AOPEP: variants seen among roughly 807,000 people sequenced by gnomAD.
The protein encoded by AOPEP is aminopeptidase O (putative).
A neutral mutation model predicts 98.1 loss-of-function variants in AOPEP; 77 were observed. That is an observed-to-expected ratio of 0.78 (90% CI 0.65 to 0.95). AOPEP has a LOEUF of 0.95. Among genes scored for constraint, AOPEP ranks in the 40% least tolerant of loss-of-function variants. The pLI is 0.00. For synonymous variants in AOPEP, 346 were observed against 365.3 expected, an observed-to-expected ratio of 0.95 and a Z score of 0.60; for missense variants, 1,024 against 1,024.7, an observed-to-expected ratio of 1.00 and a Z score of 0.01.
At chr9:95,144,560 G>T in the AOPEP span, among the ~76,000 whole-genome samples, 1 of 152,172 alleles carries the variant, frequency 6.6e-6, no homozygotes, top group Non-Finnish European at 1.5e-5. Context: ...GGGTTTCACA[G>T]AAGACCAGGA....
chr9:94,905,796 C>G (rs1346763692), intron 5 of AOPEP, among the ~76,000 whole-genome samples: 2 of 152,018 alleles, frequency 1.3e-5, no homozygotes, highest in East Asian at 3.9e-4. Context: ...ACACCCATCA[C>G]TAACAACTGC....
At chr9:94,779,026 A>G (rs1842744656) in intron 3 of AOPEP, among the ~76,000 whole-genome samples, 1 of 140,060 alleles carries the variant, frequency 7.1e-6, no homozygotes, top group Non-Finnish European at 1.6e-5. Flanking sequence ...GATACTGTCT[A>G]AAAAAAAAAA....
At chr9:94,922,702 T>C (rs2053796992) in intron 5 of AOPEP, among the ~76,000 whole-genome samples, 1 of 152,170 alleles carries the variant, frequency 6.6e-6, no homozygotes, top group African/African-American at 2.4e-5. Context: ...CACCCCTTTA[T>C]CCTGAGTGCC....
At chr9:94,981,354 G>C (rs72750353) in intron 11 of AOPEP, among the ~76,000 whole-genome samples, 7,101 of 152,266 alleles carry the variant, frequency 0.047, 458 homozygotes, top group African/African-American at 0.14. Flanking sequence ...GCTATAAACT[G>C]AAGAAACCTG....
the AOPEP span, among the ~76,000 whole-genome samples, chr9:95,120,023 A>C: frequency 2.0e-5 from 3 of 152,128 alleles, no homozygotes; most frequent in African/African-American, 7.2e-5. Flanking sequence ...AAAAGTTTTA[A>C]ATTCTGATGA....
intron 5 of AOPEP, among the ~76,000 whole-genome samples, chr9:94,895,040 C>G (rs2049310088): frequency 6.6e-6 from 1 of 150,730 alleles, no homozygotes; most frequent in Non-Finnish European, 1.5e-5. Context: ...TATGTAAACT[C>G]TCTCTCTGTG....
intron 9 of AOPEP, among the ~76,000 whole-genome samples, chr9:94,966,743 G>A (rs889790953): frequency 3.2e-4 from 49 of 152,070 alleles, no homozygotes; most frequent in African/African-American, 1.1e-3. Context: ...GTTTAATAGC[G>A]AATAATTTTT....
chr9:95,097,387 C>A, the AOPEP span, among the ~76,000 whole-genome samples: 1 of 152,198 alleles, frequency 6.6e-6, no homozygotes, highest in African/African-American at 2.4e-5. Flanking sequence ...AAGCCAGATG[C>A]GTGATTTCCT....
intron 13 of AOPEP, among the ~76,000 whole-genome samples, chr9:95,049,677 A>G (rs952024641): frequency 5.9e-5 from 9 of 152,240 alleles, no homozygotes; most frequent in Middle Eastern, 3.2e-3. Flanking sequence ...TAGAAATTCT[A>G]AAACTTAACC....
the AOPEP span, among the ~76,000 whole-genome samples, chr9:95,095,338 C>T: frequency 2.1e-4 from 32 of 152,284 alleles, no homozygotes; most frequent in African/African-American, 5.3e-4. Context: ...CCCAAGCTGC[C>T]GTGGAGATGG....
At chr9:94,876,191 T>C (rs943519920) in intron 5 of AOPEP, among the ~76,000 whole-genome samples, 2 of 152,138 alleles carry the variant, frequency 1.3e-5, no homozygotes, top group Non-Finnish European at 2.9e-5. Flanking sequence ...GAAAGAGGTA[T>C]TCATTTTCAT....
intron 11 of AOPEP, among the ~76,000 whole-genome samples, chr9:94,986,163 TCTC>T (rs911090017): frequency 6.6e-6 from 1 of 152,098 alleles, no homozygotes; most frequent in African/African-American, 2.4e-5. Context: ...GTGAGGCCTC[TCTC>T]CTCGGCTTGT....
chr9:94,853,343 C>T (rs2043789926), intron 5 of AOPEP, among the ~76,000 whole-genome samples: 1 of 151,908 alleles, frequency 6.6e-6, no homozygotes, highest in Admixed American at 6.6e-5. Context: ...GCCTGTAGTC[C>T]CAACTACTTG....
chr9:95,028,595 TC>T (rs2064036293), intron 13 of AOPEP, among the ~76,000 whole-genome samples: 1 of 152,232 alleles, frequency 6.6e-6, no homozygotes, highest in Non-Finnish European at 1.5e-5. Context: ...GTTGAATTTT[TC>T]CAAGAGTTAC....
chr9:95,061,372 A>C (rs1174849230), intron 14 of AOPEP, among the ~76,000 whole-genome samples: 3 of 152,248 alleles, frequency 2.0e-5, no homozygotes, highest in Non-Finnish European at 4.4e-5. Context: ...AATAGTAAAT[A>C]ATGTATTCAG....
intron 5 of AOPEP, among the ~76,000 whole-genome samples, chr9:94,915,369 A>G (rs905532050): frequency 5.9e-5 from 9 of 152,228 alleles, no homozygotes; most frequent in Non-Finnish European, 1.3e-4. Flanking sequence ...TCTTCCTTCA[A>G]TTCTTTTTTC....
chr9:94,769,450 G>A (rs1169873577), intron 2 of AOPEP, among the ~76,000 whole-genome samples: 1 of 152,196 alleles, frequency 6.6e-6, no homozygotes, highest in Non-Finnish European at 1.5e-5. Context: ...TAGGCTGGGA[G>A]CACAAAGATA....
chr9:94,821,747 A>C (rs1166521384), intron 5 of AOPEP, among the ~76,000 whole-genome samples: 2 of 152,212 alleles, frequency 1.3e-5, no homozygotes, highest in Non-Finnish European at 2.9e-5. Flanking sequence ...TTATGGTTTC[A>C]TGTTGGCCTA....
At chr9:95,082,093 C>G (rs929917372) in intron 15 of AOPEP, among the ~76,000 whole-genome samples, 7 of 152,096 alleles carry the variant, frequency 4.6e-5, no homozygotes, top group African/African-American at 1.7e-4. Flanking sequence ...TGATGTGTCT[C>G]TGCCGCGGCT....
Sources: gnomAD v4.1 joint callset for allele counts (sites outside exome capture counted in the v4.1 genomes callset) on GRCh38, gnomAD v4.1.1 for gene constraint, MANE v1.5 for transcripts, NCBI Gene and HGNC (gene_info 2026-07-23, HGNC 2026-07-21) for gene names.